The following SRSF3 variants were observed in gnomAD, a reference collection of about 807,000 sequenced individuals.
SRSF3 encodes serine and arginine rich splicing factor 3, also known as serine/arginine-rich splicing factor 3.
For missense variants in SRSF3, 58 were observed against 217.1 expected (o/e 0.27, Z 4.61); for synonymous variants, 87 against 73.6 (o/e 1.18, Z -0.93).
In SRSF3 at chr6:36,596,983, A is replaced by G; in HGVS notation, c.206+15A>G. The G allele has an allele frequency of 1.2e-6, 2 of 1,611,842 alleles. No individual in the cohort carries two copies. Among genetic ancestry groups the G allele is most frequent in the African/African-American group, 1.3e-5 (1 of 74,932 alleles). ...CTAGATGGAAGGTGATTTAATGATT[A>G]CGCTGATAAAAATGTGTTGCTTGTG... On this transcript the variant is annotated intron_variant, in intron 2 of 5. Coordinates refer to ENST00000373715, the MANE Select transcript of SRSF3 (RefSeq NM_003017.5).
chr6:36,597,306 A>G (rs1430190884), intron 2 of SRSF3: 5 of 284,426 alleles, frequency 1.8e-5, no homozygotes, highest in Non-Finnish European at 3.4e-5. Flanking sequence ...GGGTTTCACC[A>G]TGTTGGCCAG....
chr6:36,602,883 A>C lies in SRSF3; in HGVS notation c.*894A>C. The C allele has an allele frequency of 4.8e-6, 1 of 209,406 alleles. No homozygotes were observed. The highest frequency in any genetic ancestry group is 9.7e-6 in the Non-Finnish European group (1 of 102,696). 13.0% of individuals were successfully genotyped at this position (209,406 alleles called of 1,614,324 possible). A position where few individuals can be genotyped will look rare whatever the true frequency, so the allele number is the denominator to read the frequency against. On this transcript the variant is annotated 3_prime_UTR_variant, in exon 6 of 6. Transcript: ENST00000373715. ...GGAAGCCATACTTATATTTTCTTGT[A>C]AAGTGCTTTTGAATTAATAAAATAT...
In SRSF3 at chr6:36,600,574, T is replaced by A. The variant is rs547705976; in HGVS notation, c.342-578T>A. On this transcript the variant is annotated intron_variant, in intron 3 of 5. Transcript: ENST00000373715. ...CCTTTAAATGGTTTTACTAACAGTT[T>A]CAAAATTTAAAATTTTGGGGTTGAA... 1.0e-4 allele frequency: 16 copies of A among 153,186 alleles called. No homozygotes were observed. The South Asian group carries it at 3.1e-3, about 30-fold the overall frequency. 9.5% of individuals were successfully genotyped at this position (153,186 alleles called of 1,614,324 possible).
chr6:36,595,903 A>G (rs957872907), intron 1 of SRSF3, among the ~76,000 whole-genome samples: 3 of 151,888 alleles, frequency 2.0e-5, no homozygotes, highest in Non-Finnish European at 4.4e-5. Flanking sequence ...AATGACCAAA[A>G]TAGGCATTTA....
At chr6:36,599,722 G>T in intron 3 of SRSF3, 1 of 917,660 alleles carries the variant, frequency 1.1e-6, no homozygotes, top group Non-Finnish European at 1.6e-6. Context: ...TCATAATAAA[G>T]AGTATTTGTT....
In SRSF3 at chr6:36,595,454, T is replaced by C. The variant is rs373835954; in HGVS notation, c.-3+973T>C. The stretch of plus-strand genomic sequence containing the variant: ...GTAGTTCCAAAACATTTCCGTCACC[T>C]CCCCCCGCAGGAGACTACTACCCAT... On this transcript the variant is annotated intron_variant, in intron 1 of 5. Coordinates refer to ENST00000373715, the MANE Select transcript of SRSF3 (RefSeq NM_003017.5). 1.6e-3 allele frequency among the ~76,000 whole-genome samples: 251 copies of C among 152,186 alleles called. 1 individual carries two copies. The highest frequency in any genetic ancestry group is 5.9e-3 in the African/African-American group (245 of 41,530).
Position 36,603,166 on chromosome 6 carries a change from A to C in SRSF3, c.*1177A>C, listed in dbSNP as rs1448738135. ...AAGTATAGCAGCAACCTGGTTCTTA[A>C]ACACAAAGTAAGTTGCCCATTAACA... is the stretch of plus-strand genomic sequence containing the variant. On this transcript the variant is annotated 3_prime_UTR_variant, in exon 6 of 6. Coordinates refer to ENST00000373715, the MANE Select transcript of SRSF3 (RefSeq NM_003017.5). The C allele has an allele frequency of 8.9e-6, 2 of 224,806 alleles. No homozygotes were observed. 13.9% of individuals were successfully genotyped at this position (224,806 alleles called of 1,614,324 possible).
chr6:36,604,245 AGAAGTC>A lies in SRSF3; in HGVS notation c.*2257_*2262del, dbSNP rs1270652095. 19 of 217,752 alleles carry A rather than the reference AGAAGTC, an allele frequency of 8.7e-5. No individual in the cohort carries two copies. The highest frequency in any genetic ancestry group is 1.7e-4 in the Non-Finnish European group (18 of 108,182). The allele number at this position is 217,752 out of a possible 1,614,324, so 13.5% of individuals were successfully genotyped here. ...TGGTTTAAGGATCAAGGTGTTCACT[AGAAGTC>A]ACTGTTACTAATACTTGATGACAAT... On this transcript the variant is annotated 3_prime_UTR_variant, in exon 6 of 6. Transcript: ENST00000373715.
chr6:36,597,135 T>G, intron 2 of SRSF3, 167 bp downstream of exon 2: 7 of 630,242 alleles, frequency 1.1e-5, no homozygotes, highest in Non-Finnish European at 1.1e-5. Context: ...GAGACGAGTC[T>G]TGCACTGTCA....
chr6:36,595,773 C>T (rs1056451509), intron 1 of SRSF3, among the ~76,000 whole-genome samples: 1 of 152,178 alleles, frequency 6.6e-6, no homozygotes, highest in Non-Finnish European at 1.5e-5. Context: ...ATAAGTGCTA[C>T]TATGAGTTTA....
chr6:36,603,204 C>T lies in SRSF3; in HGVS notation c.*1215C>T, dbSNP rs372477963. 3.8e-4 allele frequency: 85 copies of T among 223,112 alleles called. No homozygotes were observed. In the Middle Eastern group the frequency reaches 4.3e-3, roughly 11 times the overall value. 13.8% of individuals were successfully genotyped at this position (223,112 alleles called of 1,614,324 possible). A position where few individuals can be genotyped will look rare whatever the true frequency, so the allele number is the denominator to read the frequency against. On this transcript the variant is annotated 3_prime_UTR_variant, in exon 6 of 6. Transcript: ENST00000373715. ...TTGCCCATTAACAAATGGCTTTTAT[C>T]TTTAGCATGAAAACTTTCCACAGGT...
chr6:36,595,243 A>G (rs1237384799), intron 1 of SRSF3, among the ~76,000 whole-genome samples: 2 of 152,228 alleles, frequency 1.3e-5, no homozygotes, highest in Non-Finnish European at 2.9e-5. Context: ...TATCAGATTC[A>G]TCGTCGAAGT....
intron 3 of SRSF3, chr6:36,599,725 T>C: frequency 1.1e-6 from 1 of 940,790 alleles, no homozygotes; most frequent in Non-Finnish European, 1.5e-6. Flanking sequence ...TAATAAAGAG[T>C]ATTTGTTAGC....
Position 36,605,379 on chromosome 6 carries a change from A to T in SRSF3, c.*3390A>T, listed in dbSNP as rs531298710. On this transcript the variant is annotated 3_prime_UTR_variant, in exon 6 of 6. Transcript: ENST00000373715. ...GTGGCAGGCGCCTATAATGCCAGCC[A>T]CTTGGGAGGCTGAGGCAGGAGAAGT... 6.6e-6 allele frequency: 1 copy of T among 152,158 alleles called. No homozygotes were observed. The highest frequency in any genetic ancestry group is 1.9e-4 in the East Asian group (1 of 5,182). 9.4% of individuals were successfully genotyped at this position (152,158 alleles called of 1,614,324 possible). A position where few individuals can be genotyped will look rare whatever the true frequency, so the allele number is the denominator to read the frequency against.
intron 1 of SRSF3, among the ~76,000 whole-genome samples, chr6:36,595,030 G>A (rs1778602407): frequency 1.3e-5 from 2 of 152,192 alleles, no homozygotes; most frequent in Non-Finnish European, 2.9e-5. Context: ...GGTGCCAGCA[G>A]TGTTTTTAAA....
chr6:36,600,028 G>A (rs1178426987), intron 3 of SRSF3: 5 of 1,243,260 alleles, frequency 4.0e-6, no homozygotes, highest in Non-Finnish European at 5.2e-6. Context: ...TAACCAAATC[G>A]GCAGCAGCCA....
chr6:36,605,122 T>G lies in SRSF3; in HGVS notation c.*3133T>G, dbSNP rs1009882350. 3 of 152,200 alleles carry G rather than the reference T, an allele frequency of 2.0e-5. No individual in the cohort carries two copies. Among genetic ancestry groups the G allele is most frequent in the African/African-American group, 4.8e-5 (2 of 41,448 alleles). The allele number at this position is 152,200 out of a possible 1,614,324, so 9.4% of individuals were successfully genotyped here. On this transcript the variant is annotated 3_prime_UTR_variant, in exon 6 of 6. Transcript: ENST00000373715. ...CCACTCTAATTTTTTTCATCCTGTT[T>G]TATTAGGGGGATTCATCGGGTACCT... is the stretch of plus-strand genomic sequence containing the variant.
chr6:36,597,490 CTTTACT>C (rs911198800), intron 2 of SRSF3, among the ~76,000 whole-genome samples: 2 of 152,000 alleles, frequency 1.3e-5, no homozygotes, highest in Non-Finnish European at 2.9e-5. Context: ...TTGGTTGTAC[CTTTACT>C]TTTATGTGTT....
chr6:36,597,118 T>G, intron 2 of SRSF3, 150 bp downstream of exon 2: 3 of 661,170 alleles, frequency 4.5e-6, no homozygotes, highest in East Asian at 2.8e-5. Flanking sequence ...TTTTTTTTTT[T>G]GGTGGGGAGA....
Sources: gnomAD v4.1 joint callset for allele counts (sites outside exome capture counted in the v4.1 genomes callset) on GRCh38, gnomAD v4.1.1 for gene constraint, MANE v1.5 for transcripts, NCBI Gene and HGNC (gene_info 2026-07-23, HGNC 2026-07-21) for gene names.